The following ABL1 variants were observed in gnomAD, a reference collection of about 807,000 sequenced individuals.
The protein encoded by ABL1 is tyrosine-protein kinase ABL1.
Under a neutral mutation model 94.7 loss-of-function variants are expected in ABL1, and 11 were observed. That is an observed-to-expected ratio of 0.12 (90% CI 0.07 to 0.19). The LOEUF (loss-of-function observed/expected upper bound fraction) is 0.19. ABL1 is among the 10% of genes least tolerant of loss of function. The pLI, the probability that ABL1 is intolerant of heterozygous loss-of-function variation, is 1.00. For synonymous variants in ABL1, 656 were observed against 622.4 expected (o/e 1.05, Z -0.80); for missense variants, 1,082 against 1,489.4 (o/e 0.73, Z 4.50).
Position 130,872,111 on chromosome 9 carries a change from G to GT in ABL1, c.823-11dup, listed in dbSNP as rs761756351. On this transcript the variant is annotated splice_polypyrimidine_tract_variant and intron_variant, in intron 4 of 10. Transcript: ENST00000318560. The surrounding 1 kb of genome is among the most constrained non-coding windows in gnomAD (Gnocchi z 5.0). Reference sequence around the variant, plus strand: ...CACTTCCTGAAATAATTTCACCTTCGTTTTTTTCCTTCTGCAGGAGGACAC... The same window carrying GT: ...CACTTCCTGAAATAATTTCACCTTCGTTTTTTTTCCTTCTGCAGGAGGACAC... 30 of 1,612,340 alleles carry GT rather than the reference G, an allele frequency of 1.9e-5. No individual in the cohort carries two copies. The East Asian group carries it at 5.1e-4, about 28-fold the overall frequency.
chr9:130,739,094 A>G (rs550517745), intron 1 of ABL1, among the ~76,000 whole-genome samples: 2 of 152,184 alleles, frequency 1.3e-5, no homozygotes, highest in East Asian at 3.9e-4. Flanking sequence ...TGGTTTCACT[A>G]TGTTGGCCAG....
At chr9:130,868,978 T>G (rs1353768418) in intron 4 of ABL1, among the ~76,000 whole-genome samples, 2 of 151,934 alleles carry the variant, frequency 1.3e-5, no homozygotes, top group Admixed American at 1.3e-4. Flanking sequence ...CCATCCTGGT[T>G]GACATGGTGA....
chr9:130,820,899 A>G (rs1830351807), intron 1 of ABL1, among the ~76,000 whole-genome samples: 1 of 152,156 alleles, frequency 6.6e-6, no homozygotes, highest in Non-Finnish European at 1.5e-5. Flanking sequence ...CTAAATTTAT[A>G]GAGTGTGCAC....
intron 1 of ABL1, among the ~76,000 whole-genome samples, chr9:130,785,655 G>A (rs1424464153): frequency 1.3e-5 from 2 of 152,066 alleles, no homozygotes; most frequent in Non-Finnish European, 2.9e-5. Context: ...GGGCGTGGTG[G>A]CTCACACCTG....
Position 130,876,798 on chromosome 9 carries a change from A to ATCT in ABL1, c.1271-1616_1271-1615insCTT, listed in dbSNP as rs1554770873. Among the ~76,000 whole-genome samples the ATCT allele has an allele frequency of 2.4e-3, 291 of 119,902 alleles. 13 individuals are homozygous for ATCT. Among genetic ancestry groups the ATCT allele is most frequent in the African/African-American group, 8.4e-3 (227 of 27,158 alleles). 78.7% of individuals were successfully genotyped at this position (119,902 alleles called of 152,430 possible). ...GTCGCCCAGGCTGGAGTGCAGTGGC[A>ATCT]TGATCTCAGCTCACTGCAAGCTCCG... On this transcript the variant is annotated intron_variant, in intron 7 of 10. Coordinates refer to ENST00000318560, the MANE Select transcript of ABL1 (RefSeq NM_005157.6).
In ABL1 at chr9:130,880,275, C is replaced by G. The variant is rs1022051832; in HGVS notation, c.1513+118C>G. 7 of 1,222,254 alleles carry G rather than the reference C, an allele frequency of 5.7e-6. No individual in the cohort carries two copies. The African/African-American group carries it at 7.5e-5, about 13-fold the overall frequency. 75.7% of individuals were successfully genotyped at this position (1,222,254 alleles called of 1,614,324 possible). A position where few individuals can be genotyped will look rare whatever the true frequency, so the allele number is the denominator to read the frequency against. ...GTTCACAGACCAGCCTGTCCTGAGA[C>G]CAGAAAGCTGGGCAGAGGTGTGGAG... On this transcript the variant is annotated intron_variant, in intron 9 of 10. Coordinates refer to ENST00000318560, the MANE Select transcript of ABL1 (RefSeq NM_005157.6). This position sits in a 1 kb window ranked among gnomAD's most constrained non-coding sequence, Gnocchi z 4.4.
chr9:130,810,757 GA>G (rs994881424), intron 1 of ABL1, among the ~76,000 whole-genome samples: 1 of 138,080 alleles, frequency 7.2e-6, no homozygotes, highest in Non-Finnish European at 1.6e-5. Flanking sequence ...TATAGAGAGA[GA>G]AAAAAAAATG....
At chr9:130,829,655 G>C (rs183854966) in intron 1 of ABL1, among the ~76,000 whole-genome samples, 1 of 151,644 alleles carries the variant, frequency 6.6e-6, no homozygotes, top group African/African-American at 2.4e-5. Flanking sequence ...ACAGATCTTT[G>C]AAGTATTTGA....
chr9:130,757,171 C>G (rs1231922233), intron 1 of ABL1, among the ~76,000 whole-genome samples: 1 of 152,172 alleles, frequency 6.6e-6, no homozygotes, highest in Non-Finnish European at 1.5e-5. Flanking sequence ...AAGATAGGCT[C>G]TAAGATCAGC....
intron 1 of ABL1, among the ~76,000 whole-genome samples, chr9:130,738,105 C>T (rs1399224309): frequency 6.6e-6 from 1 of 152,162 alleles, no homozygotes; most frequent in African/African-American, 2.4e-5. Context: ...GCTGGGATTA[C>T]AGGCATGAGC....
chr9:130,864,921 G>A (rs913866710), intron 4 of ABL1, among the ~76,000 whole-genome samples: 1 of 152,208 alleles, frequency 6.6e-6, no homozygotes. Context: ...ATTTCAACCA[G>A]TAAAAGCTTG....
chr9:130,753,422 C>CTTTTTTTTTTTTTTTTT (rs71389347), intron 1 of ABL1, among the ~76,000 whole-genome samples: 10 of 90,342 alleles, frequency 1.1e-4, no homozygotes, highest in East Asian at 4.1e-4. Context: ...TTTTTCTTTT[C>CTTTTTTTTTTTTTTTTT]TTTTTTTTTT....
intron 1 of ABL1, among the ~76,000 whole-genome samples, chr9:130,722,259 G>A (rs531295642): frequency 1.5e-4 from 23 of 152,096 alleles, no homozygotes; most frequent in Non-Finnish European, 2.8e-4. Context: ...AGGGCATGGT[G>A]GCATATGCCT....
rs756863349 is a variant in ABL1, at chr9:130,757,815, A to C, written c.136+43360A>C. Among the ~76,000 whole-genome samples, 12 of 152,190 alleles carry C rather than the reference A, an allele frequency of 7.9e-5. 1 individual carries two copies. Among genetic ancestry groups the C allele is most frequent in the Non-Finnish European group, 1.6e-4 (11 of 68,020 alleles). ...CTCGGCCTCCCAAAGTGCTGGGATT[A>C]CAGGCATGAGCCACTGCGCCCGGCC... On this transcript the variant is annotated intron_variant, in intron 1 of 10. Transcript: ENST00000372348.
At chr9:130,816,738 A>G (rs745667911) in intron 1 of ABL1, among the ~76,000 whole-genome samples, 19 of 152,072 alleles carry the variant, frequency 1.2e-4, no homozygotes, top group Admixed American at 1.0e-3. Context: ...GTCTTGCTCT[A>G]TCGCCCAGGC....
rs775748939 is a variant in ABL1 at position 130,854,956 on chromosome 9, G to T, written c.409G>T (p.Ala137Ser). 7 of 1,614,092 alleles carry T rather than the reference G, an allele frequency of 4.3e-6. No homozygotes were observed. In the African/African-American group the frequency reaches 9.3e-5, roughly 22 times the overall value. The change falls in exon 3 of 11, where the codon GCT becomes TCT. Residue 137 changes from alanine (A) to serine (S), a missense_variant. Transcript: ENST00000318560. ...CCATGGGCCTGTGTCCCGCAATGCCGCTGAGTATCTGCTGAGCAGCGGGAT... is the reference window on the plus strand; with the variant it reads ...CCATGGGCCTGTGTCCCGCAATGCCTCTGAGTATCTGCTGAGCAGCGGGAT... ...WYHGPVSRNA[A>S]EYLLSSGING...
At chr9:130,841,444 T>C (rs568912751) in intron 1 of ABL1, among the ~76,000 whole-genome samples, 12 of 152,210 alleles carry the variant, frequency 7.9e-5, no homozygotes, top group African/African-American at 2.6e-4. Context: ...TTTGCAAATT[T>C]GTTAGGCCAC....
chr9:130,736,653 G>A (rs2791729), intron 1 of ABL1, among the ~76,000 whole-genome samples: 29,236 of 152,042 alleles, frequency 0.19, 3,469 homozygotes, highest in Middle Eastern at 0.39. Context: ...CACCACACCC[G>A]GCTAATTTTG....
At chr9:130,782,682 T>C (rs1024408369) in intron 1 of ABL1, among the ~76,000 whole-genome samples, 1 of 152,220 alleles carries the variant, frequency 6.6e-6, no homozygotes, top group African/African-American at 2.4e-5. Flanking sequence ...TTAGCATGCC[T>C]GCGCAGAGCC....
Sources: allele counts gnomAD v4.1 joint callset (sites outside exome capture counted in the v4.1 genomes callset), GRCh38; gene constraint gnomAD v4.1.1; non-coding constraint Gnocchi (gnomAD v3.1); transcripts MANE v1.5; gene names NCBI Gene and HGNC (gene_info 2026-07-23, HGNC 2026-07-21).